The following ANKAR variants were observed in gnomAD, a reference collection of about 807,000 sequenced individuals.
ANKAR encodes the protein ankyrin and armadillo repeat-containing protein.
ANKAR carries 136 observed loss-of-function variants against 146.2 expected under a neutral mutation model. The observed-to-expected ratio is 0.93, with a 90% CI of 0.81 to 1.07. The LOEUF (loss-of-function observed/expected upper bound fraction) is 1.07. Ranked by LOEUF, ANKAR falls within the 50% of genes least tolerant of loss-of-function variation. The pLI, the probability that ANKAR is intolerant of heterozygous loss-of-function variation, is 0.00. For missense variants in ANKAR, 1,567 were observed against 1,679.9 expected (o/e 0.93, Z 1.18); for synonymous variants, 500 against 575.8 (o/e 0.87, Z 1.88).
Position 189,727,984 on chromosome 2 carries a change from A to G in ANKAR, c.2764A>G (p.Ser922Gly). 3 of 1,614,086 alleles carry G rather than the reference A, an allele frequency of 1.9e-6. No homozygotes were observed. In the South Asian group the frequency reaches 3.3e-5, roughly 18 times the overall value. Residue 922 changes from serine to glycine, a missense_variant, in exon 13 of 23, where the codon AGT becomes GGT. Coordinates refer to ENST00000684021, the MANE Select transcript of ANKAR (RefSeq NM_001378068.1). ...LVALFKGKQI[S>G]VQMKGAMAVE... Reference sequence around the variant, plus strand: ...GGCTCTTTTTAAAGGGAAACAAATTAGTGTCCAAATGAAAGGTGCAATGGC... The same window carrying G: ...GGCTCTTTTTAAAGGGAAACAAATTGGTGTCCAAATGAAAGGTGCAATGGC...
At chr2:189,702,657 T>G (rs1371033801) in intron 7 of ANKAR, among the ~76,000 whole-genome samples, 2 of 152,168 alleles carry the variant, frequency 1.3e-5, no homozygotes, top group East Asian at 3.8e-4. Context: ...GCTCCTTAAA[T>G]GCCGGACCAG....
At chr2:189,727,153 A>G (rs2041964258) in intron 12 of ANKAR, among the ~76,000 whole-genome samples, 1 of 152,200 alleles carries the variant, frequency 6.6e-6, no homozygotes, top group African/African-American at 2.4e-5. Context: ...AAAAGAATAT[A>G]GGAGAATGTT....
At chr2:189,731,189 A>G (rs978161062) in intron 16 of ANKAR, among the ~76,000 whole-genome samples, 5 of 152,180 alleles carry the variant, frequency 3.3e-5, no homozygotes, top group Admixed American at 6.5e-5. Context: ...TGACATTTAC[A>G]TCTATTCAAA....
chr2:189,748,908 C>T (rs887067862), downstream of ANKAR, among the ~76,000 whole-genome samples: 1 of 152,088 alleles, frequency 6.6e-6, no homozygotes, highest in Non-Finnish European at 1.5e-5. Flanking sequence ...CATCCTACCA[C>T]TCCTAAAATT....
chr2:189,683,670 G>A (rs568949507), intron 2 of ANKAR, among the ~76,000 whole-genome samples: 1 of 152,270 alleles, frequency 6.6e-6, no homozygotes, highest in South Asian at 2.1e-4. Context: ...GTAATTGCAG[G>A]TACATGGTGT....
intron 18 of ANKAR, chr2:189,754,525 T>C: frequency 1.7e-6 from 1 of 576,394 alleles, no homozygotes; most frequent in East Asian, 2.9e-5. Flanking sequence ...CCCTGTTCCT[T>C]ATGATGACCC....
chr2:189,741,462 G>A lies in ANKAR; in HGVS notation c.3810+11G>A. 6.4e-7 allele frequency: 1 copy of A among 1,564,696 alleles called. No individual in the cohort carries two copies. The highest frequency in any genetic ancestry group is 8.7e-7 in the Non-Finnish European group (1 of 1,151,448). ...TCGGGAATAGAAGAGGTAAAAACAA[G>A]CAAAAACTAATTCTAAAATTAAATA... On this transcript the variant is annotated intron_variant, in intron 20 of 22. Coordinates refer to ENST00000684021, the MANE Select transcript of ANKAR (RefSeq NM_001378068.1).
chr2:189,723,475 A>G (rs117835366), intron 12 of ANKAR, among the ~76,000 whole-genome samples: 5,741 of 152,290 alleles, frequency 0.038, 159 homozygotes, highest in African/African-American at 0.067. Flanking sequence ...ACAAAAGCAT[A>G]CAAAATGCTT....
chr2:189,700,026 T>C (rs1315885876), intron 7 of ANKAR, among the ~76,000 whole-genome samples: 2 of 150,162 alleles, frequency 1.3e-5, no homozygotes, highest in African/African-American at 2.5e-5. Context: ...AGAAACATTT[T>C]ACTTGACCTT....
At position 189,743,256 on chromosome 2, in the gene ANKAR, G is replaced by T. The variant is rs1377079532; in HGVS notation, c.3811-19G>T. On this transcript the variant is annotated intron_variant, in intron 20 of 22. Coordinates refer to ENST00000684021, the MANE Select transcript of ANKAR (RefSeq NM_001378068.1). ...AGAACAAAGCCCACTGGTTAAGAAAGAATTGTTTCTTCATTTAGGTTCGTG... is the reference window on the plus strand; with the variant it reads ...AGAACAAAGCCCACTGGTTAAGAAATAATTGTTTCTTCATTTAGGTTCGTG... 1 of 1,607,186 alleles carries T rather than the reference G, an allele frequency of 6.2e-7. No individual in the cohort carries two copies. Among genetic ancestry groups the T allele is most frequent in the Non-Finnish European group, 8.5e-7 (1 of 1,175,580 alleles).
intron 7 of ANKAR, among the ~76,000 whole-genome samples, chr2:189,699,858 G>T (rs1025641501): frequency 1.3e-5 from 2 of 152,016 alleles, no homozygotes; most frequent in Non-Finnish European, 2.9e-5. Context: ...TAGAGACAGG[G>T]TTTCACCATG....
chr2:189,699,188 C>T (rs900459671), intron 7 of ANKAR, among the ~76,000 whole-genome samples: 1 of 152,026 alleles, frequency 6.6e-6, no homozygotes, highest in Non-Finnish European at 1.5e-5. Flanking sequence ...CAGAACATGT[C>T]TTCAATTAAG....
At chr2:189,714,708 A>G (rs1344351649) in intron 10 of ANKAR, among the ~76,000 whole-genome samples, 5 of 152,146 alleles carry the variant, frequency 3.3e-5, no homozygotes, top group Admixed American at 2.0e-4. Flanking sequence ...GAACCTTGGG[A>G]GGCTGAGGCG....
intron 18 of ANKAR, among the ~76,000 whole-genome samples, chr2:189,756,701 C>G (rs1378499569): frequency 1.3e-5 from 2 of 152,130 alleles, no homozygotes. Flanking sequence ...CTCTCCCTCA[C>G]TCTCCGCATT....
Position 189,730,545 on chromosome 2 carries a change from A to G in ANKAR, c.3244A>G (p.Asn1082Asp), listed in dbSNP as rs1310063918. Residue 1082 changes from asparagine (N) to aspartate (D), a missense_variant, in exon 16 of 23, where the codon AAT becomes GAT. By Grantham distance (23) the Asn-to-Asp change is conservative. Coordinates refer to ENST00000684021, the MANE Select transcript of ANKAR (RefSeq NM_001378068.1). ...CAGTCAACAATTGGTTGTAGATGAA[A>G]ATGCCTTTCCAGTACTTATCCAACT... is the stretch of plus-strand genomic sequence containing the variant. ...PVSQQLVVDE[N>D]AFPVLIQLLR... 6.2e-7 allele frequency: 1 copy of G among 1,605,490 alleles called. No individual in the cohort carries two copies. Among genetic ancestry groups the G allele is most frequent in the African/African-American group, 1.3e-5 (1 of 74,368 alleles).
chr2:189,721,870 G>C (rs1248655698), intron 12 of ANKAR, among the ~76,000 whole-genome samples: 1 of 152,126 alleles, frequency 6.6e-6, no homozygotes, highest in Non-Finnish European at 1.5e-5. Context: ...AGAATAAGGG[G>C]AATGTAGAAG....
chr2:189,695,012 TTCTA>T lies in ANKAR; in HGVS notation c.1342_1345del (p.Tyr448SerfsTer12). The T allele has an allele frequency of 8.4e-6, 13 of 1,555,566 alleles. No homozygotes were observed. The highest frequency in any genetic ancestry group is 1.1e-5 in the Non-Finnish European group (13 of 1,151,126). On this transcript the variant is annotated frameshift_variant, in exon 6 of 23. Transcript: ENST00000684021. LOFTEE classifies it high-confidence loss of function. ...TGTGATCTATTTTGAACTAGAAACT[TTCTA>T]TCAGCAACTATATAAGACACAGTGG...
chr2:189,711,076 G>A lies in ANKAR; in HGVS notation c.2147G>A (p.Arg716Gln), dbSNP rs144844301. The change falls in exon 10 of 23, where the codon CGA (arginine) becomes CAA (glutamine). Residue 716 changes from arginine to glutamine, a missense_variant. Arg to Gln is a conservative substitution (Grantham distance 43). Coordinates refer to ENST00000684021, the MANE Select transcript of ANKAR (RefSeq NM_001378068.1). ...ATGTTACAGTGTGAAAGCTATAAAC[G>A]AAGGATGATGGCCGTCATGTCCTTG... ...VEMLQCESYK[R>Q]RMMAVMSLEV... The A allele has an allele frequency of 1.4e-4, 223 of 1,613,912 alleles. No homozygotes were observed. Among genetic ancestry groups the A allele is most frequent in the Non-Finnish European group, 1.8e-4 (214 of 1,179,946 alleles).
intron 18 of ANKAR, chr2:189,754,077 G>C: frequency 6.2e-7 from 1 of 1,612,062 alleles, no homozygotes; most frequent in Non-Finnish European, 8.5e-7. Flanking sequence ...GCAGAAATGA[G>C]CAGCTATTTT....
Sources: allele counts gnomAD v4.1 joint callset (sites outside exome capture counted in the v4.1 genomes callset), GRCh38; gene constraint gnomAD v4.1.1; transcripts MANE v1.5; gene names NCBI Gene and HGNC (gene_info 2026-07-23, HGNC 2026-07-21).